Variants in ATP6V0A2 observed in about 807,000 individuals in gnomAD.
ATP6V0A2 encodes V-type proton ATPase 116 kDa subunit a 2.
Under a neutral mutation model 104.4 loss-of-function variants are expected in ATP6V0A2, and 58 were observed. That is an observed-to-expected ratio of 0.56 (90% CI 0.45 to 0.69). The LOEUF is 0.69. ATP6V0A2 is among the 30% of genes least tolerant of loss of function. The pLI is 0.00. For missense variants in ATP6V0A2, 938 were observed against 1,062.9 expected, an observed-to-expected ratio of 0.88 and a Z score of 1.63; for synonymous variants, 376 against 397.9, an observed-to-expected ratio of 0.95 and a Z score of 0.65.
Position 123,758,237 on chromosome 12 carries a change from G to C in ATP6V0A2, c.*205G>C, listed in dbSNP as rs1956783086. On this transcript the variant is annotated 3_prime_UTR_variant, in exon 20 of 20. Coordinates refer to ENST00000330342, the MANE Select transcript of ATP6V0A2 (RefSeq NM_012463.4). ...AATTTGAGATATAAAAATTTCTTTT[G>C]GTTTTTTATGATGAGCAAATATAAG... 2.2e-6 allele frequency: 1 copy of C among 448,730 alleles called. No individual in the cohort carries two copies. Among genetic ancestry groups the C allele is most frequent in the Admixed American group, 4.0e-5 (1 of 25,296 alleles). 27.8% of individuals were successfully genotyped at this position (448,730 alleles called of 1,614,324 possible). A position where few individuals can be genotyped will look rare whatever the true frequency, so the allele number is the denominator to read the frequency against.
chr12:123,757,439 C>CAA (rs35359843), intron 19 of ATP6V0A2, among the ~76,000 whole-genome samples: 7 of 149,134 alleles, frequency 4.7e-5, no homozygotes, highest in Admixed American at 6.7e-5. Flanking sequence ...AACTCTGTGT[C>CAA]AAAAAAAAAA....
intron 6 of ATP6V0A2, among the ~76,000 whole-genome samples, chr12:123,729,320 C>CTTTTTTTTTTTTTTTTT (rs1566278746): frequency 2.6e-5 from 1 of 38,836 alleles, no homozygotes; most frequent in African/African-American, 9.8e-5. Context: ...TTCAAGGAGG[C>CTTTTTTTTTTTTTTTTT]TGTTTTTTTT....
intron 16 of ATP6V0A2, among the ~76,000 whole-genome samples, chr12:123,751,970 C>G (rs994338146): frequency 6.7e-6 from 1 of 149,874 alleles, no homozygotes; most frequent in Non-Finnish European, 1.5e-5. Context: ...AAGCAATTCT[C>G]TTGCCTCAGC....
rs28507838 is a variant in ATP6V0A2 at position 123,735,167 on chromosome 12, C to G, written c.732-364C>G. ...CGTGTGTGTGTGTGTGTGTGTGTGT[C>G]TGTGTGTGTCTGTTGTGTGTCTGTG... is the stretch of plus-strand genomic sequence containing the variant. On this transcript the variant is annotated intron_variant, in intron 7 of 19. Transcript: ENST00000330342. Among the ~76,000 whole-genome samples, 219 of 74,060 alleles carry G rather than the reference C, an allele frequency of 3.0e-3. 1 individual carries two copies. Among genetic ancestry groups the G allele is most frequent in the African/African-American group, 8.2e-3 (185 of 22,460 alleles). The allele number at this position is 74,060 out of a possible 152,430, so 48.6% of individuals were successfully genotyped here.
intron 10 of ATP6V0A2, 63 bp downstream of exon 10, chr12:123,743,998 A>T: frequency 6.2e-7 from 1 of 1,600,812 alleles, no homozygotes; most frequent in Non-Finnish European, 8.6e-7. Context: ...TTGCTCTAAG[A>T]ATGGAATAGA....
At chr12:123,754,941 A>C in intron 18 of ATP6V0A2, 1 of 254,290 alleles carries the variant, frequency 3.9e-6, no homozygotes. Context: ...TATTTCAAGC[A>C]AGTCCTGCCA....
In ATP6V0A2 at chr12:123,758,186, A is replaced by G. The variant is rs1956782686; in HGVS notation, c.*154A>G. 2 of 510,236 alleles carry G rather than the reference A, an allele frequency of 3.9e-6. No homozygotes were observed. Among genetic ancestry groups the G allele is most frequent in the African/African-American group, 2.0e-5 (1 of 50,838 alleles). The allele number at this position is 510,236 out of a possible 1,614,324, so 31.6% of individuals were successfully genotyped here. ...TCTGTAAGATATACCTCTTCCTCAT[A>G]TGTTAAATATTTTGTAAAGTTTACC... On this transcript the variant is annotated 3_prime_UTR_variant, in exon 20 of 20. Transcript: ENST00000330342.
chr12:123,715,036 C>G (rs1040782072), intron 1 of ATP6V0A2, among the ~76,000 whole-genome samples: 1 of 152,122 alleles, frequency 6.6e-6, no homozygotes, highest in Admixed American at 6.5e-5. Flanking sequence ...GAGCTGAGAT[C>G]GCGCCACTGC....
chr12:123,746,813 G>C (rs1348911105), intron 13 of ATP6V0A2, among the ~76,000 whole-genome samples: 3 of 151,896 alleles, frequency 2.0e-5, no homozygotes, highest in Non-Finnish European at 4.4e-5. Context: ...CAGGCATGCT[G>C]GTCCAGCTAC....
rs202084330 is a variant in ATP6V0A2, at chr12:123,751,217, C to T, written c.2043C>T (p.Phe681=). Reference sequence around the variant, plus strand: ...GGCTTCACAATGGGCGTAGTTGCTTCGGGGTGAACCGGGTAAGTGCGGGTT... The same window carrying T: ...GGCTTCACAATGGGCGTAGTTGCTTTGGGGTGAACCGGGTAAGTGCGGGTT... ...LLWLHNGRSC[F]GVNRSGYTLI... Residue 681 remains phenylalanine (F), a synonymous_variant, in exon 16 of 20, where the codon TTC becomes TTT. Coordinates refer to ENST00000330342, the MANE Select transcript of ATP6V0A2 (RefSeq NM_012463.4). The T allele has an allele frequency of 1.9e-5, 31 of 1,614,044 alleles. No individual in the cohort carries two copies. The highest frequency in any genetic ancestry group is 4.5e-5 in the East Asian group (2 of 44,888).
In ATP6V0A2 at chr12:123,722,470, TG is replaced by T. The variant is rs769978262; in HGVS notation, c.294+24del. ...GCAGGTAACTTGCTTCTGACGAAGC[TG>T]GTTGCAGCCATTGATCTTGGGGGCT... On this transcript the variant is annotated intron_variant, in intron 3 of 19. Transcript: ENST00000330342. 4.2e-6 allele frequency: 6 copies of T among 1,433,754 alleles called. No individual in the cohort carries two copies. The African/African-American group carries it at 7.0e-5, about 17-fold the overall frequency. The allele number at this position is 1,433,754 out of a possible 1,614,324, so 88.8% of individuals were successfully genotyped here.
intron 18 of ATP6V0A2, 65 bp from the exon 19 acceptor site, chr12:123,756,736 AAACTCAGTCCAGGT>A: frequency 6.7e-7 from 1 of 1,498,562 alleles, no homozygotes; most frequent in Non-Finnish European, 9.3e-7. Context: ...CGTCAGGGGG[AAACTCAGTCCAGGT>A]AGCTCACAGA....
intron 18 of ATP6V0A2, chr12:123,754,757 T>C: frequency 1.8e-6 from 1 of 567,610 alleles, no homozygotes; most frequent in Non-Finnish European, 3.1e-6. Context: ...TCTCTGAGGC[T>C]GGTCTGGCTT....
intron 8 of ATP6V0A2, among the ~76,000 whole-genome samples, chr12:123,736,839 G>A (rs1326859889): frequency 6.6e-6 from 1 of 152,152 alleles, no homozygotes; most frequent in Non-Finnish European, 1.5e-5. Flanking sequence ...CCAAAAGAGG[G>A]CATCTGATTG....
chr12:123,759,468 T>A lies in ATP6V0A2; in HGVS notation c.*1436T>A, dbSNP rs2135926126. On this transcript the variant is annotated 3_prime_UTR_variant, in exon 20 of 20. Coordinates refer to ENST00000330342, the MANE Select transcript of ATP6V0A2 (RefSeq NM_012463.4). ...CATCTGTTTGACATTTGGTTTTTTG[T>A]GAACTTGAGTCAGTCCTATTGAACA... The A allele has an allele frequency of 6.6e-6, 1 of 152,376 alleles. No individual in the cohort carries two copies. Among genetic ancestry groups the A allele is most frequent in the African/African-American group, 2.4e-5 (1 of 41,590 alleles). The allele number at this position is 152,376 out of a possible 1,614,324, so 9.4% of individuals were successfully genotyped here.
chr12:123,714,967 C>T (rs1444663644), intron 1 of ATP6V0A2, among the ~76,000 whole-genome samples: 1 of 152,118 alleles, frequency 6.6e-6, no homozygotes, highest in South Asian at 2.1e-4. Context: ...GTAGTCCTAG[C>T]TACTCTCAGA....
chr12:123,712,407 C>A lies in ATP6V0A2; in HGVS notation c.-159C>A. On this transcript the variant is annotated 5_prime_UTR_variant, in exon 1 of 20. Coordinates refer to ENST00000330342, the MANE Select transcript of ATP6V0A2 (RefSeq NM_012463.4). Reference sequence around the variant, plus strand: ...TGGAGCGGCGGCCGCGGTGGCAGAACCGGGGGCGGCCGCTGCAGTCTGGAG... The same window carrying A: ...TGGAGCGGCGGCCGCGGTGGCAGAAACGGGGGCGGCCGCTGCAGTCTGGAG... The A allele has an allele frequency of 2.6e-6, 1 of 389,328 alleles. No individual in the cohort carries two copies. The highest frequency in any genetic ancestry group is 4.4e-6 in the Non-Finnish European group (1 of 225,496). 24.1% of individuals were successfully genotyped at this position (389,328 alleles called of 1,614,324 possible). A position where few individuals can be genotyped will look rare whatever the true frequency, so the allele number is the denominator to read the frequency against.
intron 7 of ATP6V0A2, 42 bp from the exon 8 acceptor site, chr12:123,735,489 G>C: frequency 6.4e-7 from 1 of 1,569,472 alleles, no homozygotes; most frequent in Non-Finnish European, 8.8e-7. Flanking sequence ...TTTAGTTCTA[G>C]TGCTGACAGA....
intron 18 of ATP6V0A2, among the ~76,000 whole-genome samples, chr12:123,755,552 T>TAAAAAAAAAA (rs1361631383): frequency 9.3e-6 from 1 of 107,450 alleles, no homozygotes. Context: ...AAAAAAAAGC[T>TAAAAAAAAAA]AAAAAAAAAA....
Sources: gnomAD v4.1 joint callset for allele counts (sites outside exome capture counted in the v4.1 genomes callset) on GRCh38, gnomAD v4.1.1 for gene constraint, MANE v1.5 for transcripts, NCBI Gene and HGNC (gene_info 2026-07-23, HGNC 2026-07-21) for gene names.